The following ARHGAP10 variants were observed in gnomAD, a reference collection of about 807,000 sequenced individuals.
ARHGAP10 encodes Rho GTPase activating protein 10.
Under a neutral mutation model 108.6 loss-of-function variants are expected in ARHGAP10, and 87 were observed. That is an observed-to-expected ratio of 0.80 (90% CI 0.67 to 0.96). The LOEUF (loss-of-function observed/expected upper bound fraction) is 0.96. Ranked by LOEUF, ARHGAP10 falls within the 40% of genes least tolerant of loss-of-function variation. The pLI is 0.00. For synonymous variants in ARHGAP10, 347 were observed against 341.1 expected (o/e 1.02, Z -0.19); for missense variants, 939 against 954.5 (o/e 0.98, Z 0.21).
At chr4:147,775,979 C>T (rs981382491) in intron 1 of ARHGAP10, among the ~76,000 whole-genome samples, 2 of 152,158 alleles carry the variant, frequency 1.3e-5, no homozygotes, top group Non-Finnish European at 2.9e-5. Context: ...GCTATGATGG[C>T]ACCGAGCACA....
At chr4:147,954,858 A>G (rs1035364434) in intron 15 of ARHGAP10, among the ~76,000 whole-genome samples, 3 of 152,012 alleles carry the variant, frequency 2.0e-5, no homozygotes, top group Non-Finnish European at 4.4e-5. Flanking sequence ...TCTTATTTTT[A>G]TAATATATTT....
At chr4:147,829,445 T>G (rs1732860009) in intron 3 of ARHGAP10, among the ~76,000 whole-genome samples, 1 of 151,886 alleles carries the variant, frequency 6.6e-6, no homozygotes, top group Admixed American at 6.6e-5. Flanking sequence ...CGCCTCGATC[T>G]CTGAAAGTGC....
chr4:147,955,664 A>T lies in ARHGAP10; in HGVS notation c.1450+290A>T, dbSNP rs536531291. Among the ~76,000 whole-genome samples, 159 of 152,240 alleles carry T rather than the reference A, an allele frequency of 1.0e-3. 1 individual carries two copies. Among genetic ancestry groups the T allele is most frequent in the Non-Finnish European group, 1.9e-3 (132 of 67,974 alleles). Reference sequence around the variant, plus strand: ...AATTCTATAGCAAGTACTGGGGCATACTTCTCATTATACTACAAAATGTAC... The same window carrying T: ...AATTCTATAGCAAGTACTGGGGCATTCTTCTCATTATACTACAAAATGTAC... On this transcript the variant is annotated intron_variant, in intron 16 of 22. Coordinates refer to ENST00000336498, the MANE Select transcript of ARHGAP10 (RefSeq NM_024605.4).
At chr4:148,039,099 AT>A (rs1356974745) in intron 19 of ARHGAP10, among the ~76,000 whole-genome samples, 2 of 151,856 alleles carry the variant, frequency 1.3e-5, no homozygotes, top group Non-Finnish European at 2.9e-5. Context: ...TATTTTGGTT[AT>A]GTTATTTTCC....
intron 3 of ARHGAP10, among the ~76,000 whole-genome samples, chr4:147,834,793 C>T (rs944636749): frequency 7.1e-6 from 1 of 140,344 alleles, no homozygotes; most frequent in African/African-American, 2.6e-5. Context: ...GCTTGCTTTC[C>T]TTCCCTGTCT....
chr4:147,793,009 A>G (rs1731176567), intron 1 of ARHGAP10, among the ~76,000 whole-genome samples: 1 of 152,036 alleles, frequency 6.6e-6, no homozygotes, highest in African/African-American at 2.4e-5. Flanking sequence ...GTGGTGATGC[A>G]TGCCTGTAGT....
At chr4:147,969,324 C>CTTT (rs61078731) in intron 18 of ARHGAP10, among the ~76,000 whole-genome samples, 24 of 93,828 alleles carry the variant, frequency 2.6e-4, no homozygotes, top group East Asian at 6.2e-4. Context: ...TTTGTTTTGC[C>CTTT]TTTTTTTTTT....
At chr4:147,907,851 T>C in intron 11 of ARHGAP10, among the ~76,000 whole-genome samples, 1 of 152,216 alleles carries the variant, frequency 6.6e-6, no homozygotes, top group Non-Finnish European at 1.5e-5. Flanking sequence ...GTTTTACTTC[T>C]ATTGATTGAT....
At chr4:147,914,592 A>AC (rs1553962583) in intron 13 of ARHGAP10, among the ~76,000 whole-genome samples, 2 of 140,070 alleles carry the variant, frequency 1.4e-5, no homozygotes, top group Non-Finnish European at 3.0e-5. Context: ...CATCTTCAGC[A>AC]TTTTTGTACA....
intron 1 of ARHGAP10, among the ~76,000 whole-genome samples, chr4:147,801,084 G>A (rs1199205875): frequency 6.6e-6 from 1 of 152,244 alleles, no homozygotes; most frequent in African/African-American, 2.4e-5. Flanking sequence ...GAGATAACAG[G>A]CGTGAGCCAC....
At chr4:148,025,515 G>C (rs911597762) in intron 19 of ARHGAP10, among the ~76,000 whole-genome samples, 1 of 151,258 alleles carries the variant, frequency 6.6e-6, no homozygotes, top group Non-Finnish European at 1.5e-5. Context: ...AGTTTTAGTT[G>C]TGTGAAAAAA....
chr4:147,819,263 A>G (rs1579080529), intron 1 of ARHGAP10, among the ~76,000 whole-genome samples: 2 of 152,334 alleles, frequency 1.3e-5, no homozygotes, highest in South Asian at 2.1e-4. Context: ...AACAGCTCCA[A>G]TGGAAGACTA....
At chr4:147,781,668 TTTC>T (rs1040101393) in intron 1 of ARHGAP10, among the ~76,000 whole-genome samples, 12 of 145,228 alleles carry the variant, frequency 8.3e-5, no homozygotes, top group African/African-American at 3.3e-4. Context: ...CTTTCATTTT[TTTC>T]TTTTCTTTTC....
intron 3 of ARHGAP10, among the ~76,000 whole-genome samples, chr4:147,835,672 C>T (rs1007201274): frequency 1.3e-5 from 2 of 152,216 alleles, no homozygotes; most frequent in African/African-American, 4.8e-5. Context: ...CTGCGCCTGG[C>T]CTATTTTATT....
chr4:148,072,018 G>C lies in ARHGAP10; in HGVS notation c.2298G>C (p.Trp766Cys), dbSNP rs1162734650. 3 of 1,613,550 alleles carry C rather than the reference G, an allele frequency of 1.9e-6. No homozygotes were observed. The highest frequency in any genetic ancestry group is 8.5e-7 in the Non-Finnish European group (1 of 1,179,830). ...TACAAACCTCCAGGGAACCTGGCTG[G>C]CTAGAAGGGACTCTGAACGGCAAGA... The part of the protein sequence containing the change: ...EDVQTSREPG[W>C]LEGTLNGKRG... Residue 766 changes from tryptophan (W) to cysteine (C), a missense_variant, in exon 23 of 23, where the codon TGG becomes TGC. Trp to Cys is a radical substitution (Grantham distance 215). Coordinates refer to ENST00000336498, the MANE Select transcript of ARHGAP10 (RefSeq NM_024605.4).
chr4:147,897,015 T>C (rs1383173696), intron 10 of ARHGAP10, among the ~76,000 whole-genome samples: 1 of 152,080 alleles, frequency 6.6e-6, no homozygotes, highest in Non-Finnish European at 1.5e-5. Context: ...ATGTGCATAA[T>C]GACCCTTTTA....
chr4:147,985,281 G>C (rs56401722), intron 18 of ARHGAP10, among the ~76,000 whole-genome samples: 1,663 of 152,252 alleles, frequency 0.011, 36 homozygotes, highest in African/African-American at 0.038. Context: ...CTCTGCACAG[G>C]AAAGATGGGT....
At chr4:147,973,254 A>T (rs901963237) in intron 18 of ARHGAP10, among the ~76,000 whole-genome samples, 2 of 152,222 alleles carry the variant, frequency 1.3e-5, no homozygotes, top group Non-Finnish European at 2.9e-5. Context: ...TGAGTTTTAC[A>T]TGGCTCACTG....
chr4:147,857,673 C>A lies in ARHGAP10; in HGVS notation c.486+19C>A. ...ACAAGAGGTATAATTTTTTATTTTTCTGTTACGTTTTCAAAATTTGATAAG... is the reference window on the plus strand; with the variant it reads ...ACAAGAGGTATAATTTTTTATTTTTATGTTACGTTTTCAAAATTTGATAAG... On this transcript the variant is annotated intron_variant, in intron 5 of 22. Transcript: ENST00000336498. 1 of 1,425,468 alleles carries A rather than the reference C, an allele frequency of 7.0e-7. No homozygotes were observed. 88.3% of individuals were successfully genotyped at this position (1,425,468 alleles called of 1,614,324 possible). A position where few individuals can be genotyped will look rare whatever the true frequency, so the allele number is the denominator to read the frequency against.
Sources: gnomAD v4.1 joint callset for allele counts (sites outside exome capture counted in the v4.1 genomes callset) on GRCh38, gnomAD v4.1.1 for gene constraint, MANE v1.5 for transcripts, NCBI Gene and HGNC (gene_info 2026-07-23, HGNC 2026-07-21) for gene names.